Variants in CCSER1 observed in about 807,000 individuals in gnomAD.
The protein encoded by CCSER1 is serine-rich coiled-coil domain-containing protein 1.
A neutral mutation model predicts 82.0 loss-of-function variants in CCSER1; 41 were observed. The observed-to-expected ratio is 0.50, with a 90% confidence interval of 0.39 to 0.65. CCSER1 has a LOEUF of 0.65. Among genes scored for constraint, CCSER1 ranks in the 30% least tolerant of loss-of-function variants. The pLI is 0.00. For synonymous variants in CCSER1, 414 were observed against 383.9 expected (o/e 1.08, Z -0.92); for missense variants, 1,119 against 1,064.2 (o/e 1.05, Z -0.72).
intron 10 of CCSER1, among the ~76,000 whole-genome samples, chr4:91,440,833 T>G (rs2149405249): frequency 6.6e-6 from 1 of 152,236 alleles, no homozygotes; most frequent in South Asian, 2.1e-4. Flanking sequence ...CAGACAATAC[T>G]ACAAACACCT....
At chr4:90,269,756 A>C (rs1725909956) in intron 1 of CCSER1, among the ~76,000 whole-genome samples, 1 of 152,078 alleles carries the variant, frequency 6.6e-6, no homozygotes, top group African/African-American at 2.4e-5. Flanking sequence ...TTGTAAAAAG[A>C]TTAAAAAAAA....
At chr4:90,343,814 A>G (rs1375245726) in intron 3 of CCSER1, among the ~76,000 whole-genome samples, 1 of 152,124 alleles carries the variant, frequency 6.6e-6, no homozygotes, top group Admixed American at 6.5e-5. Context: ...TCATACAGGC[A>G]TGCAATGTGT....
At chr4:91,326,899 C>A (rs1393705154) in intron 10 of CCSER1, among the ~76,000 whole-genome samples, 1 of 152,180 alleles carries the variant, frequency 6.6e-6, no homozygotes, top group Non-Finnish European at 1.5e-5. Flanking sequence ...CTAACTTCCT[C>A]TGACTCTATG....
Position 90,224,939 on chromosome 4 carries a change from G to C in CCSER1, c.-41-83305G>C, listed in dbSNP as rs527492302. ...CTCTAGCAGCTCTCAGTGGTTTAGT[G>C]TGCAGGCCCTTATCCCTCTCATGTA... On this transcript the variant is annotated intron_variant, in intron 1 of 10. Coordinates refer to ENST00000509176, the MANE Select transcript of CCSER1 (RefSeq NM_001145065.2). Among the ~76,000 whole-genome samples the C allele has an allele frequency of 4.9e-4, 74 of 152,028 alleles. 1 individual carries two copies. The highest frequency in any genetic ancestry group is 1.6e-4 in the Non-Finnish European group (11 of 68,018).
In CCSER1 at chr4:91,187,800, G is replaced by A. The variant is rs540955766; in HGVS notation, c.2217+101806G>A. Among the ~76,000 whole-genome samples the A allele has an allele frequency of 6.2e-4, 94 of 152,280 alleles. 2 individuals are homozygous for A. In the South Asian group the frequency reaches 0.013, roughly 20 times the overall value. ...ACTCCTGACCTCAAGTGATGCACCC[G>A]CCTTGGCCTCCCAAAGTGCTGGGAT... On this transcript the variant is annotated intron_variant, in intron 10 of 10. Transcript: ENST00000509176.
At chr4:90,273,256 T>C (rs1174350084) in intron 1 of CCSER1, among the ~76,000 whole-genome samples, 4 of 151,906 alleles carry the variant, frequency 2.6e-5, no homozygotes, top group African/African-American at 9.7e-5. Flanking sequence ...GGATAGTTAA[T>C]GGGTACAGAA....
intron 1 of CCSER1, among the ~76,000 whole-genome samples, chr4:90,250,397 T>C (rs1246752828): frequency 6.6e-6 from 1 of 152,096 alleles, no homozygotes; most frequent in African/African-American, 2.4e-5. Flanking sequence ...ATTCACTTTT[T>C]GTGTAGAGTG....
chr4:90,788,507 G>C (rs1754821416), intron 7 of CCSER1, among the ~76,000 whole-genome samples: 1 of 152,086 alleles, frequency 6.6e-6, no homozygotes, highest in Admixed American at 6.6e-5. Flanking sequence ...GTAGTTTCTT[G>C]GTTTGTGATG....
intron 10 of CCSER1, among the ~76,000 whole-genome samples, chr4:91,312,417 T>G (rs1363238040): frequency 1.2e-5 from 1 of 83,318 alleles, no homozygotes; most frequent in Non-Finnish European, 3.0e-5. Context: ...AGACATATAC[T>G]GTATATCTGT....
At chr4:90,641,691 A>G (rs974941750) in intron 6 of CCSER1, among the ~76,000 whole-genome samples, 2 of 152,172 alleles carry the variant, frequency 1.3e-5, no homozygotes, top group African/African-American at 4.8e-5. Context: ...CAAGTGGAGC[A>G]GGATCAAGGT....
intron 10 of CCSER1, among the ~76,000 whole-genome samples, chr4:91,293,865 C>T (rs1412496741): frequency 6.6e-6 from 1 of 151,910 alleles, no homozygotes; most frequent in Non-Finnish European, 1.5e-5. Flanking sequence ...TTAAAAATTA[C>T]ATTATATTTG....
intron 5 of CCSER1, among the ~76,000 whole-genome samples, chr4:90,581,450 G>A (rs1221882138): frequency 6.6e-6 from 1 of 152,122 alleles, no homozygotes; most frequent in Non-Finnish European, 1.5e-5. Flanking sequence ...ACTTGGTTAA[G>A]ATCTGTTTGA....
intron 9 of CCSER1, among the ~76,000 whole-genome samples, chr4:90,931,148 C>T (rs575188977): frequency 1.3e-5 from 2 of 150,504 alleles, no homozygotes; most frequent in Non-Finnish European, 3.0e-5. Context: ...ACCAAAACAT[C>T]GTCTATTAAT....
chr4:90,350,085 A>G (rs1046404809), intron 3 of CCSER1, among the ~76,000 whole-genome samples: 3 of 152,170 alleles, frequency 2.0e-5, no homozygotes, highest in African/African-American at 7.2e-5. Context: ...CACATAATAG[A>G]TGAACAATCA....
chr4:90,464,165 T>A (rs182869330), intron 4 of CCSER1, among the ~76,000 whole-genome samples: 2,923 of 152,258 alleles, frequency 0.019, 80 homozygotes, highest in African/African-American at 0.067. Flanking sequence ...CTACTTCATT[T>A]CAAAGCTAAA....
intron 9 of CCSER1, among the ~76,000 whole-genome samples, chr4:91,019,082 T>C (rs1739691451): frequency 1.3e-5 from 2 of 152,226 alleles, no homozygotes; most frequent in South Asian, 4.1e-4. Context: ...TCTAGAATGC[T>C]GTGAATTCAA....
chr4:90,321,425 T>C (rs528262919), intron 3 of CCSER1, among the ~76,000 whole-genome samples: 3 of 152,334 alleles, frequency 2.0e-5, no homozygotes, highest in African/African-American at 4.8e-5. Context: ...TAATATTCTA[T>C]TGTGTGTATG....
chr4:91,564,167 CTAAGGA>C (rs1478219971), intron 10 of CCSER1, among the ~76,000 whole-genome samples: 2 of 151,892 alleles, frequency 1.3e-5, no homozygotes, highest in African/African-American at 4.8e-5. Flanking sequence ...CATTAGTTTG[CTAAGGA>C]TAATTGTCTC....
At chr4:90,374,906 C>G (rs535008537) in intron 3 of CCSER1, among the ~76,000 whole-genome samples, 1 of 152,226 alleles carries the variant, frequency 6.6e-6, no homozygotes, top group South Asian at 2.1e-4. Context: ...TAAAGTATAT[C>G]CAGTGGAACT....
Sources: gnomAD v4.1 joint callset for allele counts (sites outside exome capture counted in the v4.1 genomes callset) on GRCh38, gnomAD v4.1.1 for gene constraint, MANE v1.5 for transcripts, NCBI Gene and HGNC (gene_info 2026-07-23, HGNC 2026-07-21) for gene names.